NSD2: variants seen among roughly 807,000 people sequenced by gnomAD.
The protein encoded by NSD2 is histone-lysine N-methyltransferase NSD2.
A neutral mutation model predicts 139.0 loss-of-function variants in NSD2; 12 were observed. The ratio of observed to expected loss-of-function variants is 0.09; its 90% confidence interval spans 0.06 to 0.14. The LOEUF (loss-of-function observed/expected upper bound fraction) is 0.14. NSD2 is among the 10% of genes least tolerant of loss of function. The probability of loss-of-function intolerance (pLI) is 1.00; values close to 1 mark genes in which losing one functional copy is unlikely to be tolerated. For synonymous variants in NSD2, 669 were observed against 648.7 expected, an observed-to-expected ratio of 1.03 and a Z score of -0.48; for missense variants, 1,155 against 1,745.0, an observed-to-expected ratio of 0.66 and a Z score of 6.02.
chr4:1,899,984 C>T (rs1188965708), intron 1 of NSD2, among the ~76,000 whole-genome samples: 3 of 152,186 alleles, frequency 2.0e-5, no homozygotes, highest in Admixed American at 2.0e-4. Flanking sequence ...CCAGACCTGA[C>T]TGGGATTGCT....
intron 1 of NSD2, among the ~76,000 whole-genome samples, chr4:1,896,887 A>G (rs1335014481): frequency 6.6e-6 from 1 of 150,678 alleles, no homozygotes; most frequent in Non-Finnish European, 1.5e-5. Context: ...AAAGATAGTT[A>G]AACCCGGGTA....
chr4:1,915,111 C>CTTTTTTTTTTTTTTTTTTT (rs781255847), intron 3 of NSD2, among the ~76,000 whole-genome samples: 2 of 115,560 alleles, frequency 1.7e-5, no homozygotes, highest in Non-Finnish European at 3.5e-5. Flanking sequence ...CTTTTTTTCT[C>CTTTTTTTTTTTTTTTTTTT]TTTTTTTTTT....
At chr4:1,934,868 AAAAAAAAAAAATATATATATAT>A (rs1722138420) in intron 6 of NSD2, among the ~76,000 whole-genome samples, 1 of 94,256 alleles carries the variant, frequency 1.1e-5, no homozygotes, top group Non-Finnish European at 2.1e-5. Context: ...AAAAAAAAAA[AAAAAAAAAAAATATATATATAT>A]ATATATATAT....
intron 5 of NSD2, among the ~76,000 whole-genome samples, chr4:1,927,213 A>G (rs1371694572): frequency 6.6e-6 from 1 of 152,076 alleles, no homozygotes; most frequent in Non-Finnish European, 1.5e-5. Context: ...AGAGTAAGTG[A>G]TCCAAGAAAG....
intron 19 of NSD2, 90 bp downstream of exon 19, chr4:1,975,094 C>G: frequency 6.3e-7 from 1 of 1,583,264 alleles, no homozygotes; most frequent in South Asian, 1.1e-5. Flanking sequence ...ACTGGAAAGG[C>G]TCTGGGGGAG....
At chr4:1,909,943 T>C (rs1438283510) in intron 3 of NSD2, among the ~76,000 whole-genome samples, 1 of 149,976 alleles carries the variant, frequency 6.7e-6, no homozygotes, top group Non-Finnish European at 1.5e-5. Flanking sequence ...CCGGCACCCG[T>C]TAAAAAAAAA....
In NSD2 at chr4:1,956,384, A is replaced by T. The variant is rs1298405330; in HGVS notation, c.2881+196A>T. ...AAGATACACTGATAACTTTTGTAACATTGGTTTGTGATTAATTTCATTAAA... is the reference window on the plus strand; with the variant it reads ...AAGATACACTGATAACTTTTGTAACTTTGGTTTGTGATTAATTTCATTAAA... On this transcript the variant is annotated intron_variant, in intron 15 of 21. Transcript: ENST00000508803. This position sits in a 1 kb window ranked among gnomAD's most constrained non-coding sequence, Gnocchi z 5.3. Among the ~76,000 whole-genome samples, 1 of 152,214 alleles carries T rather than the reference A, an allele frequency of 6.6e-6. No homozygotes were observed. The highest frequency in any genetic ancestry group is 1.5e-5 in the Non-Finnish European group (1 of 68,044).
In NSD2 at chr4:1,976,380, C is replaced by T; in HGVS notation, c.3622-95C>T. On this transcript the variant is annotated intron_variant, in intron 20 of 21. Transcript: ENST00000508803. The surrounding 1 kb of genome is among the most constrained non-coding windows in gnomAD (Gnocchi z 5.3). ...CTTAGTGTTGGGCACCTGCAGAGAT[C>T]TCTGAAGTTCCTGGAGTGTAGCTCG... 6 of 1,381,806 alleles carry T rather than the reference C, an allele frequency of 4.3e-6. No homozygotes were observed. The highest frequency in any genetic ancestry group is 6.0e-6 in the Non-Finnish European group (6 of 1,003,886). 85.6% of individuals were successfully genotyped at this position (1,381,806 alleles called of 1,614,324 possible).
rs1727630742 is a variant in NSD2 at position 1,980,297 on chromosome 4, G to A, written c.*1388G>A. The A allele has an allele frequency of 4.3e-6, 1 of 233,114 alleles. No homozygotes were observed. The highest frequency in any genetic ancestry group is 8.5e-6 in the Non-Finnish European group (1 of 118,028). The allele number at this position is 233,114 out of a possible 1,614,324, so 14.4% of individuals were successfully genotyped here. ...CTTTTTTTGAGGGATCCTTGACCCT[G>A]GGAAGTCTGGAGCACCCTGAGAAGG... On this transcript the variant is annotated 3_prime_UTR_variant, in exon 22 of 22. Coordinates refer to ENST00000508803, the MANE Select transcript of NSD2 (RefSeq NM_001042424.3).
At chr4:1,898,149 C>T (rs1338759526) in intron 1 of NSD2, among the ~76,000 whole-genome samples, 1 of 151,650 alleles carries the variant, frequency 6.6e-6, no homozygotes, top group East Asian at 2.0e-4. Context: ...TGCAGTAGTG[C>T]AATCATAGCT....
At position 1,979,070 on chromosome 4, in the gene NSD2, ATCC is replaced by A. The variant is rs1727473472; in HGVS notation, c.*164_*166del. 1.1e-6 allele frequency: 1 copy of A among 899,214 alleles called. No homozygotes were observed. Among genetic ancestry groups the A allele is most frequent in the Non-Finnish European group, 1.6e-6 (1 of 633,186 alleles). 55.7% of individuals were successfully genotyped at this position (899,214 alleles called of 1,614,324 possible). A position where few individuals can be genotyped will look rare whatever the true frequency, so the allele number is the denominator to read the frequency against. On this transcript the variant is annotated 3_prime_UTR_variant, in exon 22 of 22. Transcript: ENST00000508803. ...GGGAGCGCCTCCCCACCACTGAGCC[ATCC>A]TCAGCAGCGTCCGCTGCGTCTGCAC...
Position 1,948,091 on chromosome 4 carries a change from A to C in NSD2, c.1882-2981A>C. The C allele has an allele frequency of 1.9e-6, 2 of 1,059,082 alleles. No individual in the cohort carries two copies. The highest frequency in any genetic ancestry group is 2.3e-6 in the Non-Finnish European group (2 of 875,070). The allele number at this position is 1,059,082 out of a possible 1,614,324, so 65.6% of individuals were successfully genotyped here. A position where few individuals can be genotyped will look rare whatever the true frequency, so the allele number is the denominator to read the frequency against. The stretch of plus-strand genomic sequence containing the variant: ...CCTGAAGGAATGTATTTCTAAGGCA[A>C]ATAGGCAACTTGGTACTATCTTATT... On this transcript the variant is annotated intron_variant, in intron 9 of 21. Coordinates refer to ENST00000508803, the MANE Select transcript of NSD2 (RefSeq NM_001042424.3). This position sits in a 1 kb window ranked among gnomAD's most constrained non-coding sequence, Gnocchi z 4.5.
chr4:1,878,243 ATATATATATTTTTTTTTTTTTTT>A (rs1168203711), intron 1 of NSD2, among the ~76,000 whole-genome samples: 1 of 37,296 alleles, frequency 2.7e-5, no homozygotes, highest in African/African-American at 1.3e-4. Context: ...ATATATATAT[ATATATATATTTTTTTTTTTTTTT>A]TTTTTTTTTT....
chr4:1,964,511 C>G (rs1725676913), intron 18 of NSD2, among the ~76,000 whole-genome samples: 4 of 152,214 alleles, frequency 2.6e-5, no homozygotes, highest in African/African-American at 9.6e-5. Flanking sequence ...GCACCTCGCA[C>G]ACAGCTTGAG....
chr4:1,936,739 T>C (rs1292455301), intron 7 of NSD2, among the ~76,000 whole-genome samples: 1 of 152,114 alleles, frequency 6.6e-6, no homozygotes, highest in Admixed American at 6.6e-5. Flanking sequence ...AGCTTCATCC[T>C]GTTTTTCACT....
chr4:1,904,592 G>A (rs1717640073), intron 3 of NSD2, among the ~76,000 whole-genome samples: 1 of 152,010 alleles, frequency 6.6e-6, no homozygotes, highest in Admixed American at 6.6e-5. Flanking sequence ...TAGTGTTAAG[G>A]GACACATGAC....
At chr4:1,884,788 C>T (rs1239560512) in intron 1 of NSD2, among the ~76,000 whole-genome samples, 8 of 152,080 alleles carry the variant, frequency 5.3e-5, no homozygotes, top group Non-Finnish European at 1.2e-4. Flanking sequence ...CAGTTGAGTT[C>T]TGAAATCTGC....
At position 1,955,108 on chromosome 4, in the gene NSD2, C is replaced by CT; in HGVS notation, c.2339-52dup. 6.6e-7 allele frequency: 1 copy of CT among 1,521,198 alleles called. No individual in the cohort carries two copies. The allele number at this position is 1,521,198 out of a possible 1,614,324, so 94.2% of individuals were successfully genotyped here. The stretch of plus-strand genomic sequence containing the variant: ...GAGTAATTATTAGTTGCTCTTTTCA[C>CT]TATGACTGGAGTCAGTGTTTGGGGT... On this transcript the variant is annotated intron_variant, in intron 12 of 21. Transcript: ENST00000508803. This position sits in a 1 kb window ranked among gnomAD's most constrained non-coding sequence, Gnocchi z 4.7.
chr4:1,911,139 A>G (rs1718603706), intron 3 of NSD2, among the ~76,000 whole-genome samples: 1 of 152,142 alleles, frequency 6.6e-6, no homozygotes, highest in Non-Finnish European at 1.5e-5. Context: ...AACTACCTGT[A>G]GTCTAATGGG....
Sources: allele counts gnomAD v4.1 joint callset (sites outside exome capture counted in the v4.1 genomes callset), GRCh38; gene constraint gnomAD v4.1.1; non-coding constraint Gnocchi (gnomAD v3.1); transcripts MANE v1.5; gene names NCBI Gene and HGNC (gene_info 2026-07-23, HGNC 2026-07-21).